Variants in PRKN observed in about 807,000 individuals in gnomAD.
PRKN encodes E3 ubiquitin-protein ligase parkin.
Under a neutral mutation model 59.5 loss-of-function variants are expected in PRKN, and 56 were observed. The ratio of observed to expected loss-of-function variants is 0.94; its 90% CI spans 0.76 to 1.18. The LOEUF (loss-of-function observed/expected upper bound fraction) is 1.18, where lower values mean the gene tolerates loss of function less well. PRKN is among the 50% of genes most tolerant of loss of function. The pLI is 0.00. For missense variants in PRKN, 657 were observed against 596.4 expected (o/e 1.10, Z -1.06); for synonymous variants, 250 against 222.1 (o/e 1.13, Z -1.12).
At chr6:162,485,489 T>TA (rs1329054394) in intron 1 of PRKN, among the ~76,000 whole-genome samples, 2 of 152,218 alleles carry the variant, frequency 1.3e-5, no homozygotes, top group African/African-American at 4.8e-5. Flanking sequence ...ACTTAAATGT[T>TA]ACAGCAGAAA....
At chr6:161,431,895 G>A (rs531084483) in intron 9 of PRKN, among the ~76,000 whole-genome samples, 3 of 152,162 alleles carry the variant, frequency 2.0e-5, no homozygotes, top group Non-Finnish European at 4.4e-5. Context: ...GATTACAGGC[G>A]TGAGCCACTG....
intron 6 of PRKN, among the ~76,000 whole-genome samples, chr6:161,893,303 A>G (rs1477014410): frequency 6.6e-6 from 1 of 152,374 alleles, no homozygotes; most frequent in East Asian, 1.9e-4. Flanking sequence ...GGGGTACCAT[A>G]GAATACTAAC....
rs1012992950 is a variant in PRKN at position 161,549,956 on chromosome 6, A to G, written c.934-953T>C. On this transcript the variant is annotated intron_variant, in intron 8 of 11. Coordinates refer to ENST00000366898, the MANE Select transcript of PRKN (RefSeq NM_004562.3). This position sits in a 1 kb window ranked among gnomAD's most constrained non-coding sequence, Gnocchi z 6.0. Reference sequence around the variant, plus strand: ...TCCAATGGTGCTAAGTGAGGAAGAAAATAATCAACAGGGAAGAGGGAGAGT... The same window carrying G: ...TCCAATGGTGCTAAGTGAGGAAGAAGATAATCAACAGGGAAGAGGGAGAGT... 4.7e-4 allele frequency among the ~76,000 whole-genome samples: 72 copies of G among 152,342 alleles called. No homozygotes were observed. The highest frequency in any genetic ancestry group is 1.4e-3 in the African/African-American group (58 of 41,584).
chr6:161,368,568 C>T (rs997775712), intron 10 of PRKN, among the ~76,000 whole-genome samples: 3 of 151,416 alleles, frequency 2.0e-5, no homozygotes, highest in Middle Eastern at 6.8e-3. Flanking sequence ...ACAACAACAA[C>T]GAAAGCAACT....
At chr6:161,949,404 G>A (rs945224600) in intron 6 of PRKN, among the ~76,000 whole-genome samples, 3 of 152,104 alleles carry the variant, frequency 2.0e-5, no homozygotes, top group Non-Finnish European at 4.4e-5. Flanking sequence ...CCAGCTACTC[G>A]GGAGGCTGTG....
At chr6:162,353,419 AT>A (rs1784705305) in intron 2 of PRKN, among the ~76,000 whole-genome samples, 1 of 152,178 alleles carries the variant, frequency 6.6e-6, no homozygotes, top group Admixed American at 6.5e-5. Flanking sequence ...CATATATTAA[AT>A]GCTATTTAGC....
At chr6:161,713,896 T>C (rs566464813) in intron 7 of PRKN, among the ~76,000 whole-genome samples, 9 of 152,190 alleles carry the variant, frequency 5.9e-5, no homozygotes, top group African/African-American at 2.2e-4. Flanking sequence ...TCTCATGAGA[T>C]CTGATGGTTC....
At chr6:162,364,269 A>G (rs1785303289) in intron 2 of PRKN, among the ~76,000 whole-genome samples, 1 of 152,230 alleles carries the variant, frequency 6.6e-6, no homozygotes, top group Non-Finnish European at 1.5e-5. Flanking sequence ...GCTCTTTAAA[A>G]TAATACCCAA....
chr6:161,780,597 G>T (rs534822270), intron 7 of PRKN, among the ~76,000 whole-genome samples: 1 of 152,158 alleles, frequency 6.6e-6, no homozygotes, highest in South Asian at 2.1e-4. Context: ...AAAACAGATA[G>T]GTGACTTAAA....
chr6:162,222,248 C>G (rs1393502826), intron 3 of PRKN, among the ~76,000 whole-genome samples: 1 of 151,968 alleles, frequency 6.6e-6, no homozygotes, highest in Non-Finnish European at 1.5e-5. Context: ...ATATTAAATA[C>G]CAAAGATAAA....
intron 2 of PRKN, among the ~76,000 whole-genome samples, chr6:162,391,139 G>A (rs746999190): frequency 1.3e-5 from 2 of 152,196 alleles, no homozygotes; most frequent in African/African-American, 2.4e-5. Context: ...AGTGCATCTC[G>A]AAAATCTGCA....
rs1779831836 is a variant in PRKN, at chr6:161,547,335, T to TC, written c.1083+1518dup. 6.6e-6 allele frequency among the ~76,000 whole-genome samples: 1 copy of TC among 152,212 alleles called. No homozygotes were observed. The highest frequency in any genetic ancestry group is 6.5e-5 in the Admixed American group (1 of 15,278). Reference sequence around the variant, plus strand: ...TCCAAAGACATTACAGCATTTTGATTCACTTCTAAAATAATTTGTCATGAT... The same window carrying TC: ...TCCAAAGACATTACAGCATTTTGATTCCACTTCTAAAATAATTTGTCATGAT... On this transcript the variant is annotated intron_variant, in intron 9 of 11. Coordinates refer to ENST00000366898, the MANE Select transcript of PRKN (RefSeq NM_004562.3). This position sits in a 1 kb window ranked among gnomAD's most constrained non-coding sequence, Gnocchi z 4.0.
At chr6:161,623,695 C>G (rs899333014) in intron 7 of PRKN, among the ~76,000 whole-genome samples, 53 of 152,298 alleles carry the variant, frequency 3.5e-4, no homozygotes, top group African/African-American at 1.3e-3. Context: ...TGTATACTCT[C>G]TAACACCCAT....
At chr6:162,020,775 GACAA>G (rs1783116438) in intron 5 of PRKN, among the ~76,000 whole-genome samples, 1 of 151,990 alleles carries the variant, frequency 6.6e-6, no homozygotes, top group Non-Finnish European at 1.5e-5. Context: ...GGAATGCCAT[GACAA>G]ACAAGAATAG....
intron 6 of PRKN, among the ~76,000 whole-genome samples, chr6:161,943,282 T>C (rs1583382412): frequency 6.6e-6 from 1 of 152,162 alleles, no homozygotes; most frequent in Admixed American, 6.5e-5. Context: ...ACAAAAAAAA[T>C]TAACAAACCA....
chr6:161,752,155 A>C (rs768787507), intron 7 of PRKN, among the ~76,000 whole-genome samples: 1 of 151,430 alleles, frequency 6.6e-6, no homozygotes, highest in Non-Finnish European at 1.5e-5. Flanking sequence ...GTGGATCACG[A>C]GGTCAAGAGA....
At chr6:161,489,847 C>A (rs1206086805) in intron 9 of PRKN, among the ~76,000 whole-genome samples, 2 of 152,206 alleles carry the variant, frequency 1.3e-5, no homozygotes, top group African/African-American at 4.8e-5. Context: ...TTCCTCCAGG[C>A]TCTGCAGGAA....
rs1562505480 is a variant in PRKN, at chr6:161,527,175, T to C, written c.1083+21679A>G. Among the ~76,000 whole-genome samples the C allele has an allele frequency of 6.6e-6, 1 of 152,230 alleles. No homozygotes were observed. The highest frequency in any genetic ancestry group is 2.4e-5 in the African/African-American group (1 of 41,458). On this transcript the variant is annotated intron_variant, in intron 9 of 11. Transcript: ENST00000366898. The surrounding 1 kb of genome is among the most constrained non-coding windows in gnomAD (Gnocchi z 4.6). ...TGACAATTATTTTCCTTTATAGATA[T>C]AGATTTCTTTTACAAAAGAACAGCT...
chr6:161,699,313 T>A (rs1030987154), intron 7 of PRKN, among the ~76,000 whole-genome samples: 1 of 152,142 alleles, frequency 6.6e-6, no homozygotes, highest in Non-Finnish European at 1.5e-5. Context: ...ACATACACTA[T>A]CCAAATGGCC....
Sources: gnomAD v4.1 joint callset for allele counts (sites outside exome capture counted in the v4.1 genomes callset) on GRCh38, gnomAD v4.1.1 for gene constraint, Gnocchi (gnomAD v3.1) non-coding constraint, MANE v1.5 for transcripts, NCBI Gene and HGNC (gene_info 2026-07-23, HGNC 2026-07-21) for gene names.